PITPNC1: variants seen among roughly 807,000 people sequenced by gnomAD.
PITPNC1 encodes the protein phosphatidylinositol transfer protein cytoplasmic 1, also known as cytoplasmic phosphatidylinositol transfer protein 1.
In PITPNC1, 18 loss-of-function variants were observed where a neutral mutation model predicts 44.7. The ratio of observed to expected loss-of-function variants is 0.40; its 90% CI spans 0.28 to 0.60. PITPNC1 has a LOEUF of 0.60. Among genes scored for constraint, PITPNC1 ranks in the 20% least tolerant of loss-of-function variants. The pLI is 0.39. For missense variants in PITPNC1, 290 were observed against 418.4 expected (o/e 0.69, Z 2.68); for synonymous variants, 141 against 149.6 (o/e 0.94, Z 0.42).
intron 8 of PITPNC1, 79 bp from the exon 9 acceptor site, chr17:67,692,492 TA>T: frequency 1.0e-6 from 1 of 994,598 alleles, no homozygotes; most frequent in Non-Finnish European, 1.5e-6. Context: ...ATAGTTCCTG[TA>T]AAAACAAGGG....
Position 67,642,264 on chromosome 17 carries a change from TA to T in PITPNC1, c.462+10032del, listed in dbSNP as rs2042100614. On this transcript the variant is annotated intron_variant, in intron 6 of 8. Transcript: ENST00000581322. ...TCTTCAAAGCAGGGGTCACCAAAAATAAAAAATTCCGTTGGCCAAGAAAAAA... is the reference window on the plus strand; with the variant it reads ...TCTTCAAAGCAGGGGTCACCAAAAATAAAAATTCCGTTGGCCAAGAAAAAA... Among the ~76,000 whole-genome samples the T allele has an allele frequency of 2.0e-5, 3 of 151,954 alleles. No individual in the cohort carries two copies. In the South Asian group the frequency reaches 6.2e-4, roughly 31 times the overall value.
At chr17:67,582,850 C>G (rs144867998) in intron 5 of PITPNC1, among the ~76,000 whole-genome samples, 213 of 152,280 alleles carry the variant, frequency 1.4e-3, no homozygotes, top group African/African-American at 4.9e-3. Flanking sequence ...TGTGAGAGTC[C>G]GTGCTTAGCA....
chr17:67,471,739 T>G (rs978648711), intron 1 of PITPNC1, among the ~76,000 whole-genome samples: 1 of 151,832 alleles, frequency 6.6e-6, no homozygotes, highest in Non-Finnish European at 1.5e-5. Context: ...AATGTTAATA[T>G]CGTACTAATT....
chr17:67,408,192 A>G (rs1376573555), intron 1 of PITPNC1, among the ~76,000 whole-genome samples: 1 of 152,066 alleles, frequency 6.6e-6, no homozygotes, highest in Non-Finnish European at 1.5e-5. Flanking sequence ...GAGCTCAGGC[A>G]GTCCACCCAC....
chr17:67,627,966 G>T (rs1437143018), intron 5 of PITPNC1, among the ~76,000 whole-genome samples: 2 of 136,898 alleles, frequency 1.5e-5, no homozygotes, highest in Non-Finnish European at 1.5e-5. Context: ...TCACTGTGTC[G>T]CCCAGGCTGG....
At chr17:67,404,687 CAT>C (rs1442481617) in intron 1 of PITPNC1, among the ~76,000 whole-genome samples, 1 of 152,140 alleles carries the variant, frequency 6.6e-6, no homozygotes, top group Non-Finnish European at 1.5e-5. Flanking sequence ...CAAAGTAAAA[CAT>C]ATTTAATATT....
intron 1 of PITPNC1, among the ~76,000 whole-genome samples, chr17:67,439,457 A>C (rs1000832172): frequency 6.6e-6 from 1 of 152,168 alleles, no homozygotes; most frequent in Non-Finnish European, 1.5e-5. Flanking sequence ...GTATTTATTT[A>C]ATCTTGTATC....
chr17:67,496,533 G>A (rs1053560700), intron 1 of PITPNC1, among the ~76,000 whole-genome samples: 2 of 152,080 alleles, frequency 1.3e-5, no homozygotes, highest in South Asian at 2.1e-4. Flanking sequence ...CAGCCTCCCC[G>A]TGTTTACTAT....
At chr17:67,393,053 C>T (rs1314452646) in intron 1 of PITPNC1, among the ~76,000 whole-genome samples, 1 of 151,356 alleles carries the variant, frequency 6.6e-6, no homozygotes, top group African/African-American at 2.4e-5. Flanking sequence ...TCGCTTGAAC[C>T]TGGGAGGCAG....
chr17:67,431,522 T>C (rs2143896513), intron 1 of PITPNC1, among the ~76,000 whole-genome samples: 1 of 152,334 alleles, frequency 6.6e-6, no homozygotes, highest in East Asian at 1.9e-4. Context: ...ACAATGAGTT[T>C]GCAGTTTTTA....
intron 6 of PITPNC1, among the ~76,000 whole-genome samples, chr17:67,660,636 CTTG>C (rs1189031397): frequency 6.6e-6 from 1 of 151,688 alleles, no homozygotes; most frequent in Non-Finnish European, 1.5e-5. Context: ...GCCTCTGCCT[CTTG>C]GATTCAAGCG....
chr17:67,442,467 C>A (rs920982682), intron 1 of PITPNC1, among the ~76,000 whole-genome samples: 1 of 151,058 alleles, frequency 6.6e-6, no homozygotes, highest in African/African-American at 2.4e-5. Context: ...GGCCCTAAAA[C>A]AAACAAGAAC....
chr17:67,620,714 C>T (rs987444127), intron 5 of PITPNC1, among the ~76,000 whole-genome samples: 1 of 152,186 alleles, frequency 6.6e-6, no homozygotes, highest in Admixed American at 6.5e-5. Context: ...GAAGTTTACC[C>T]AGCAGCTAAG....
chr17:67,685,460 G>A (rs981837090), intron 8 of PITPNC1, among the ~76,000 whole-genome samples: 13 of 152,230 alleles, frequency 8.5e-5, no homozygotes, highest in African/African-American at 2.9e-4. Context: ...TGGAAATGAA[G>A]AGGATCTCAC....
intron 5 of PITPNC1, among the ~76,000 whole-genome samples, chr17:67,581,441 C>T (rs1243427671): frequency 6.6e-6 from 1 of 152,216 alleles, no homozygotes. Flanking sequence ...TCTGGAACTG[C>T]CCAGGGGACC....
chr17:67,523,650 T>G (rs368551331), intron 1 of PITPNC1, among the ~76,000 whole-genome samples: 1 of 152,076 alleles, frequency 6.6e-6, no homozygotes, highest in East Asian at 1.9e-4. Context: ...CATTTTCATT[T>G]TTAAAACCCC....
rs755299877 is a variant in PITPNC1, at chr17:67,632,167, G to A, written c.391G>A (p.Val131Met). The A allele has an allele frequency of 1.1e-5, 18 of 1,612,382 alleles. No individual in the cohort carries two copies. The highest frequency in any genetic ancestry group is 4.4e-5 in the South Asian group (4 of 91,040). The change falls in exon 6 of 9, where the codon GTG (valine) becomes ATG (methionine). Residue 131 changes from valine to methionine, a missense_variant. Physicochemically the swap from Val to Met is conservative, Grantham distance 21 (BLOSUM62 1). Transcript: ENST00000581322. ...GATTTTCGACAATGAAGCCAAAGAC[G>A]TGGAGAGAGAAGTTTGCTTTATTGA... ...DTIFDNEAKD[V>M]EREVCFIDIA... is the part of the protein sequence containing the mutation.
Position 67,378,064 on chromosome 17 carries a change from C to A in PITPNC1, c.-91C>A. ...CCCTCCGGCTCCGAGCGCCGGGCTC[C>A]GGGCGCCCTGCCCTGCGCCTGGGCA... On this transcript the variant is annotated 5_prime_UTR_variant, in exon 1 of 9. Transcript: ENST00000581322. The A allele has an allele frequency of 1.3e-6, 1 of 774,920 alleles. No homozygotes were observed. Among genetic ancestry groups the A allele is most frequent in the Non-Finnish European group, 1.9e-6 (1 of 533,276 alleles). 48.0% of individuals were successfully genotyped at this position (774,920 alleles called of 1,614,324 possible).
At chr17:67,448,676 T>C (rs2039134760) in intron 1 of PITPNC1, among the ~76,000 whole-genome samples, 1 of 152,238 alleles carries the variant, frequency 6.6e-6, no homozygotes, top group African/African-American at 2.4e-5. Flanking sequence ...TGGGCTCTTA[T>C]CTTCTGGTGC....
Sources: gnomAD v4.1 joint callset for allele counts (sites outside exome capture counted in the v4.1 genomes callset) on GRCh38, gnomAD v4.1.1 for gene constraint, MANE v1.5 for transcripts, NCBI Gene and HGNC (gene_info 2026-07-23, HGNC 2026-07-21) for gene names.